The following VSTM5 variants were observed in gnomAD, a reference collection of about 807,000 sequenced individuals.
The protein encoded by VSTM5 is V-set and transmembrane domain-containing protein 5.
VSTM5 carries 21 observed loss-of-function variants against 20.3 expected under a neutral mutation model. That is an observed-to-expected ratio of 1.03 (90% CI 0.73 to 1.49). The LOEUF is 1.49. Ranked by LOEUF, VSTM5 falls within the 40% of genes most tolerant of loss-of-function variation. VSTM5 has a pLI of 0.00. For synonymous variants in VSTM5, 100 were observed against 102.5 expected, an observed-to-expected ratio of 0.98 and a Z score of 0.14; for missense variants, 219 against 250.0, an observed-to-expected ratio of 0.88 and a Z score of 0.84.
At chr11:93,831,890 G>A (rs1393261241) in intron 1 of VSTM5, among the ~76,000 whole-genome samples, 1 of 152,238 alleles carries the variant, frequency 6.6e-6, no homozygotes, top group East Asian at 1.9e-4. Context: ...AGATGAAGAA[G>A]TTTGATAACA....
Position 93,821,004 on chromosome 11 carries a change from G to C in VSTM5, c.411C>G (p.His137Gln). The change falls in exon 2 of 4, where the codon CAC becomes CAG. Residue 137 changes from histidine (H) to glutamine (Q), a missense_variant. His to Gln is a conservative substitution (Grantham distance 24, BLOSUM62 0). Coordinates refer to ENST00000409977, the MANE Select transcript of VSTM5 (RefSeq NM_001144871.2). The stretch of plus-strand genomic sequence containing the variant: ...GGCCCTGGGATGTCTTACCAGAGAC[G>C]TGCAGCACGATGGTGCCAAACTGGC... ...GSSQFGTIVLHVSEILYEDLH... is the reference protein window; with the variant it reads ...GSSQFGTIVLQVSEILYEDLH... 6.4e-7 allele frequency: 1 copy of C among 1,551,624 alleles called. No individual in the cohort carries two copies. Among genetic ancestry groups the C allele is most frequent in the South Asian group, 1.2e-5 (1 of 84,060 alleles).
chr11:93,842,157 A>T (rs1423796499), intron 1 of VSTM5, among the ~76,000 whole-genome samples: 1 of 152,198 alleles, frequency 6.6e-6, no homozygotes, highest in Non-Finnish European at 1.5e-5. Context: ...TATTAATGAT[A>T]ATTCTTTGAA....
chr11:93,850,538 C>G lies in VSTM5; in HGVS notation c.-36G>C. On this transcript the variant is annotated 5_prime_UTR_variant, in exon 1 of 4. Transcript: ENST00000409977. ...GGGGCCTCGCGGGCCGGGGTGTGTG[C>G]TGGCCGCACCGCGCTGCAGCTCCTA... 1 of 1,493,046 alleles carries G rather than the reference C, an allele frequency of 6.7e-7. No homozygotes were observed. Among genetic ancestry groups the G allele is most frequent in the Middle Eastern group, 1.8e-4 (1 of 5,434 alleles). 92.5% of individuals were successfully genotyped at this position (1,493,046 alleles called of 1,614,324 possible). A position where few individuals can be genotyped will look rare whatever the true frequency, so the allele number is the denominator to read the frequency against.
chr11:93,834,961 TATC>T (rs1003787087), intron 1 of VSTM5, among the ~76,000 whole-genome samples: 11 of 152,010 alleles, frequency 7.2e-5, no homozygotes, highest in Admixed American at 7.2e-4. Flanking sequence ...ATTAGTGGGT[TATC>T]ATGAGAATGG....
At chr11:93,847,968 C>T (rs1221888069) in intron 1 of VSTM5, among the ~76,000 whole-genome samples, 1 of 152,138 alleles carries the variant, frequency 6.6e-6, no homozygotes, top group Non-Finnish European at 1.5e-5. Flanking sequence ...GGTCTCTCTT[C>T]CTCTTCTTAT....
At chr11:93,842,086 A>G (rs1295077041) in intron 1 of VSTM5, among the ~76,000 whole-genome samples, 2 of 152,202 alleles carry the variant, frequency 1.3e-5, no homozygotes, top group Non-Finnish European at 2.9e-5. Context: ...AAATGAGACA[A>G]TATATGTAAA....
intron 1 of VSTM5, among the ~76,000 whole-genome samples, chr11:93,828,598 C>T (rs1944256861): frequency 6.6e-6 from 1 of 152,138 alleles, no homozygotes; most frequent in Non-Finnish European, 1.5e-5. Flanking sequence ...GGACAGGTAT[C>T]TTGCCAACAT....
In VSTM5 at chr11:93,850,528, G is replaced by A. The variant is rs761555905; in HGVS notation, c.-26C>T. The A allele has an allele frequency of 1.3e-6, 2 of 1,531,544 alleles. No individual in the cohort carries two copies. Among genetic ancestry groups the A allele is most frequent in the African/African-American group, 1.4e-5 (1 of 72,576 alleles). 94.9% of individuals were successfully genotyped at this position (1,531,544 alleles called of 1,614,324 possible). Reference sequence around the variant, plus strand: ...GGGCGAGCCCGGGGCCTCGCGGGCCGGGGTGTGTGCTGGCCGCACCGCGCT... The same window carrying A: ...GGGCGAGCCCGGGGCCTCGCGGGCCAGGGTGTGTGCTGGCCGCACCGCGCT... On this transcript the variant is annotated 5_prime_UTR_variant, in exon 1 of 4. Coordinates refer to ENST00000409977, the MANE Select transcript of VSTM5 (RefSeq NM_001144871.2).
At chr11:93,841,711 C>G (rs753950315) in intron 1 of VSTM5, among the ~76,000 whole-genome samples, 3 of 152,244 alleles carry the variant, frequency 2.0e-5, no homozygotes, top group Non-Finnish European at 2.9e-5. Flanking sequence ...AGGCCAGGCC[C>G]TCCTCTCCTC....
intron 1 of VSTM5, among the ~76,000 whole-genome samples, chr11:93,839,837 A>G (rs915338656): frequency 6.6e-6 from 1 of 152,224 alleles, no homozygotes; most frequent in African/African-American, 2.4e-5. Context: ...ATTTGGAGAT[A>G]GGGTTGTTAC....
Position 93,850,557 on chromosome 11 carries a change from G to A in VSTM5, c.-55C>T. 1.5e-6 allele frequency: 2 copies of A among 1,361,130 alleles called. No individual in the cohort carries two copies. The highest frequency in any genetic ancestry group is 1.3e-5 in the South Asian group (1 of 77,092). 84.3% of individuals were successfully genotyped at this position (1,361,130 alleles called of 1,614,324 possible). A position where few individuals can be genotyped will look rare whatever the true frequency, so the allele number is the denominator to read the frequency against. On this transcript the variant is annotated 5_prime_UTR_variant, in exon 1 of 4. Transcript: ENST00000409977. ...TGTGTGCTGGCCGCACCGCGCTGCA[G>A]CTCCTATGCAGCCTTCTCTCTTCCT...
chr11:93,841,053 C>T (rs1394383757), intron 1 of VSTM5, among the ~76,000 whole-genome samples: 1 of 147,494 alleles, frequency 6.8e-6, no homozygotes, highest in African/African-American at 2.7e-5. Context: ...AAAACCCCAC[C>T]TTCGCAGGCC....
chr11:93,831,535 C>A (rs531642202), intron 1 of VSTM5, among the ~76,000 whole-genome samples: 2 of 152,188 alleles, frequency 1.3e-5, no homozygotes, highest in Non-Finnish European at 2.9e-5. Flanking sequence ...GGTGGTAATT[C>A]CCCCTCTCAG....
intron 1 of VSTM5, among the ~76,000 whole-genome samples, chr11:93,849,129 TTCTC>T (rs146001767): frequency 6.7e-4 from 102 of 152,118 alleles, no homozygotes; most frequent in African/African-American, 2.3e-3. Flanking sequence ...ATATTATTTT[TTCTC>T]TCTCTCTCTT....
At chr11:93,841,039 A>AG (rs1363705129) in intron 1 of VSTM5, among the ~76,000 whole-genome samples, 2 of 145,644 alleles carry the variant, frequency 1.4e-5, no homozygotes, top group Non-Finnish European at 2.9e-5. Flanking sequence ...CTAAACCAAA[A>AG]GGAAAAACCC....
rs1348128684 is a variant in VSTM5 at position 93,819,698 on chromosome 11, T to G, written c.*871A>C. 6.6e-6 allele frequency: 1 copy of G among 152,262 alleles called. No homozygotes were observed. The highest frequency in any genetic ancestry group is 1.5e-5 in the Non-Finnish European group (1 of 68,080). The allele number at this position is 152,262 out of a possible 1,614,324, so 9.4% of individuals were successfully genotyped here. A position where few individuals can be genotyped will look rare whatever the true frequency, so the allele number is the denominator to read the frequency against. ...GGACAGATGCAAAGCCCGAGATGAC[T>G]GATTTTCCAGCTGCATCACCCACTA... On this transcript the variant is annotated 3_prime_UTR_variant, in exon 4 of 4. Transcript: ENST00000409977.
At chr11:93,823,921 T>TTC (rs975174954) in intron 1 of VSTM5, among the ~76,000 whole-genome samples, 6 of 148,992 alleles carry the variant, frequency 4.0e-5, no homozygotes, top group African/African-American at 1.5e-4. Context: ...GCACTTTTTT[T>TTC]TTTTGAGACA....
Position 93,820,584 on chromosome 11 carries a change from T to C in VSTM5, c.588A>G (p.Glu196=). The change falls in exon 4 of 4, where the codon GAA becomes GAG. Residue 196 remains glutamate (E), a synonymous_variant. Coordinates refer to ENST00000409977, the MANE Select transcript of VSTM5 (RefSeq NM_001144871.2). The part of the protein sequence containing the change: ...KESTTEEIEL[E]DVEC ...CCAGCCTTGGCTAACACTCAACATC[T>C]TCCAGCTCAATCTCCTCAGTTGTGC... 1 of 1,551,968 alleles carries C rather than the reference T, an allele frequency of 6.4e-7. No individual in the cohort carries two copies. Among genetic ancestry groups the C allele is most frequent in the Non-Finnish European group, 8.7e-7 (1 of 1,147,058 alleles).
At chr11:93,839,458 G>T (rs549493381) in intron 1 of VSTM5, among the ~76,000 whole-genome samples, 1 of 152,338 alleles carries the variant, frequency 6.6e-6, no homozygotes, top group African/African-American at 2.4e-5. Context: ...CTGCTCCTTA[G>T]AAGTTATTTG....
Sources: gnomAD v4.1 joint callset for allele counts (sites outside exome capture counted in the v4.1 genomes callset) on GRCh38, gnomAD v4.1.1 for gene constraint, MANE v1.5 for transcripts, NCBI Gene and HGNC (gene_info 2026-07-23, HGNC 2026-07-21) for gene names.